The following NEGR1 variants were observed in gnomAD, a reference collection of about 807,000 sequenced individuals.
The protein encoded by NEGR1 is IgLON family member 4.
In NEGR1, 10 loss-of-function variants were observed where a neutral mutation model predicts 40.9. The ratio of observed to expected loss-of-function variants is 0.24; its 90% confidence interval spans 0.15 to 0.42. The LOEUF is 0.42. Ranked by LOEUF, NEGR1 falls within the 10% of genes least tolerant of loss-of-function variation. The pLI, the probability that NEGR1 is intolerant of heterozygous loss-of-function variation, is 1.00. For synonymous variants in NEGR1, 185 were observed against 166.8 expected, an observed-to-expected ratio of 1.11 and a Z score of -0.84; for missense variants, 352 against 438.9, an observed-to-expected ratio of 0.80 and a Z score of 1.77.
intron 1 of NEGR1, among the ~76,000 whole-genome samples, chr1:72,245,865 C>T (rs758813782): frequency 6.6e-6 from 1 of 152,058 alleles, no homozygotes; most frequent in African/African-American, 2.4e-5. Flanking sequence ...ATCTAGTACT[C>T]TTAACAAAAG....
chr1:71,658,724 C>G (rs1344408847), intron 4 of NEGR1, among the ~76,000 whole-genome samples: 2 of 151,786 alleles, frequency 1.3e-5, no homozygotes, highest in Admixed American at 6.6e-5. Flanking sequence ...AAGTATATAC[C>G]CTTATCTTAG....
chr1:71,575,443 G>C (rs1474249828), intron 6 of NEGR1, among the ~76,000 whole-genome samples: 1 of 152,216 alleles, frequency 6.6e-6, no homozygotes, highest in East Asian at 1.9e-4. Flanking sequence ...AAAGAGGATA[G>C]TAAGTGAGGC....
At chr1:72,083,225 CCT>C (rs149843680) in intron 1 of NEGR1, among the ~76,000 whole-genome samples, 2,109 of 151,878 alleles carry the variant, frequency 0.014, 48 homozygotes, top group African/African-American at 0.048. Flanking sequence ...TGTGTGTCTT[CCT>C]CTCTCACTAC....
chr1:72,172,165 T>G (rs1651987037), intron 1 of NEGR1, among the ~76,000 whole-genome samples: 2 of 152,178 alleles, frequency 1.3e-5, no homozygotes, highest in African/African-American at 4.8e-5. Context: ...CATTTTTTAA[T>G]AAAACCAATA....
intron 6 of NEGR1, among the ~76,000 whole-genome samples, chr1:71,483,497 G>T (rs867460686): frequency 2.6e-5 from 4 of 151,888 alleles, no homozygotes; most frequent in African/African-American, 4.8e-5. Flanking sequence ...TGACTGAACT[G>T]CACTCCAATG....
chr1:71,865,755 A>T (rs1046947664), intron 2 of NEGR1, among the ~76,000 whole-genome samples: 34 of 152,224 alleles, frequency 2.2e-4, no homozygotes, highest in Non-Finnish European at 4.4e-5. Flanking sequence ...ATATTAAAAA[A>T]GAGTAGAATG....
chr1:72,242,783 G>A (rs917737539), intron 1 of NEGR1, among the ~76,000 whole-genome samples: 2 of 151,500 alleles, frequency 1.3e-5, no homozygotes, highest in African/African-American at 4.8e-5. Flanking sequence ...AAGTACAGAT[G>A]GCTTAATCAT....
intron 1 of NEGR1, among the ~76,000 whole-genome samples, chr1:72,108,892 T>G (rs1233110527): frequency 6.6e-6 from 1 of 151,612 alleles, no homozygotes; most frequent in Non-Finnish European, 1.5e-5. Context: ...CTAACTTTTT[T>G]TTTTAACTTT....
At chr1:71,809,532 T>G (rs1657911416) in intron 2 of NEGR1, among the ~76,000 whole-genome samples, 3 of 152,120 alleles carry the variant, frequency 2.0e-5, no homozygotes, top group Admixed American at 2.0e-4. Flanking sequence ...TGCAAAGTAA[T>G]GAGTACAAAT....
intron 3 of NEGR1, among the ~76,000 whole-genome samples, chr1:71,774,553 G>T (rs1656436979): frequency 6.6e-6 from 1 of 152,042 alleles, no homozygotes; most frequent in African/African-American, 2.4e-5. Flanking sequence ...GTCGCTGAAG[G>T]GTAATATTAA....
intron 3 of NEGR1, among the ~76,000 whole-genome samples, chr1:71,699,874 T>C (rs1226049495): frequency 6.6e-6 from 1 of 151,816 alleles, no homozygotes; most frequent in African/African-American, 2.4e-5. Flanking sequence ...ATCTGATGGG[T>C]TTATCAGGGG....
chr1:71,789,154 A>G (rs1657021542), intron 2 of NEGR1, among the ~76,000 whole-genome samples: 1 of 152,114 alleles, frequency 6.6e-6, no homozygotes, highest in Non-Finnish European at 1.5e-5. Flanking sequence ...TGAGGACCCT[A>G]TCACAGACTC....
At chr1:72,255,543 ACTT>A (rs1433081416) in intron 1 of NEGR1, among the ~76,000 whole-genome samples, 5 of 134,546 alleles carry the variant, frequency 3.7e-5, no homozygotes, top group Admixed American at 3.0e-4. Flanking sequence ...TATCAAAAAT[ACTT>A]CTTTTTTTTT....
intron 2 of NEGR1, among the ~76,000 whole-genome samples, chr1:71,807,304 C>T (rs1255150145): frequency 6.6e-6 from 1 of 152,000 alleles, no homozygotes; most frequent in Non-Finnish European, 1.5e-5. Flanking sequence ...GCTAAAAAGA[C>T]TTACAACTTA....
At chr1:71,795,762 G>T in intron 2 of NEGR1, among the ~76,000 whole-genome samples, 1 of 152,102 alleles carries the variant, frequency 6.6e-6, no homozygotes, top group East Asian at 1.9e-4. Flanking sequence ...CAAAAAGCCA[G>T]TTGGGAAAGA....
At chr1:71,465,442 C>A (rs1646739130) in intron 6 of NEGR1, among the ~76,000 whole-genome samples, 1 of 152,046 alleles carries the variant, frequency 6.6e-6, no homozygotes, top group South Asian at 2.1e-4. Flanking sequence ...TAGTTATAAT[C>A]GGATACTGTA....
intron 1 of NEGR1, among the ~76,000 whole-genome samples, chr1:72,080,258 T>C (rs1647938512): frequency 6.6e-6 from 1 of 152,102 alleles, no homozygotes. Context: ...AAAATAATCT[T>C]GCATCTTTAT....
At chr1:71,490,285 T>C (rs538687263) in intron 6 of NEGR1, among the ~76,000 whole-genome samples, 5 of 152,144 alleles carry the variant, frequency 3.3e-5, no homozygotes, top group Admixed American at 2.6e-4. Context: ...AGAACTAATA[T>C]GCATTTGGTA....
intron 2 of NEGR1, among the ~76,000 whole-genome samples, chr1:71,814,298 C>T (rs1658117884): frequency 6.6e-6 from 1 of 152,016 alleles, no homozygotes; most frequent in Non-Finnish European, 1.5e-5. Flanking sequence ...TGATGTGCTG[C>T]TGGATTCAGT....
Sources: allele counts gnomAD v4.1 joint callset (sites outside exome capture counted in the v4.1 genomes callset), GRCh38; gene constraint gnomAD v4.1.1; transcripts MANE v1.5; gene names NCBI Gene and HGNC (gene_info 2026-07-23, HGNC 2026-07-21).